TSPAN5: variants seen among roughly 807,000 people sequenced by gnomAD.
The protein encoded by TSPAN5 is tetraspanin-5.
TSPAN5 carries 10 observed loss-of-function variants against 37.1 expected under a neutral mutation model. That is an observed-to-expected ratio of 0.27 (90% CI 0.17 to 0.46). TSPAN5 has a LOEUF of 0.46. TSPAN5 is among the 20% of genes least tolerant of loss of function. The pLI is 1.00. For missense variants in TSPAN5, 195 were observed against 326.6 expected, an observed-to-expected ratio of 0.60 and a Z score of 3.11; for synonymous variants, 110 against 118.9, an observed-to-expected ratio of 0.93 and a Z score of 0.48.
At chr4:98,649,522 C>G (rs910923806) in intron 1 of TSPAN5, among the ~76,000 whole-genome samples, 1 of 152,210 alleles carries the variant, frequency 6.6e-6, no homozygotes, top group Non-Finnish European at 1.5e-5. Flanking sequence ...TGTTCGTTGG[C>G]TGCCAGGGAA....
At chr4:98,604,380 T>C (rs954997262) in intron 1 of TSPAN5, among the ~76,000 whole-genome samples, 2 of 152,218 alleles carry the variant, frequency 1.3e-5, no homozygotes, top group Admixed American at 6.5e-5. Flanking sequence ...ATTCTTACAC[T>C]GAAAACTGTT....
At chr4:98,586,939 G>A (rs1362333226) in intron 1 of TSPAN5, among the ~76,000 whole-genome samples, 1 of 152,216 alleles carries the variant, frequency 6.6e-6, no homozygotes, top group Non-Finnish European at 1.5e-5. Flanking sequence ...AAAGGGAAAA[G>A]GGGAGCCAAA....
At chr4:98,546,947 G>A (rs1754484504) in intron 1 of TSPAN5, among the ~76,000 whole-genome samples, 1 of 152,180 alleles carries the variant, frequency 6.6e-6, no homozygotes, top group Non-Finnish European at 1.5e-5. Context: ...TGCTGGGTGA[G>A]CGCTAATGAG....
At chr4:98,481,469 T>C (rs1237794009) in intron 4 of TSPAN5, among the ~76,000 whole-genome samples, 5 of 152,166 alleles carry the variant, frequency 3.3e-5, no homozygotes, top group Non-Finnish European at 5.9e-5. Flanking sequence ...CTGCACAGAT[T>C]CTTCACTTGT....
At chr4:98,487,084 G>A (rs1463829742) in intron 2 of TSPAN5, among the ~76,000 whole-genome samples, 200 bp from the exon 3 acceptor site, 1 of 136,122 alleles carries the variant, frequency 7.3e-6, no homozygotes, top group Non-Finnish European at 1.5e-5. Context: ...GAGAAAGAAA[G>A]AGAAAGAGAG....
At chr4:98,525,687 C>A (rs770911594) in intron 1 of TSPAN5, among the ~76,000 whole-genome samples, 4 of 152,140 alleles carry the variant, frequency 2.6e-5, no homozygotes, top group Non-Finnish European at 5.9e-5. Flanking sequence ...GTATATATAG[C>A]TCACATTTAT....
In TSPAN5 at chr4:98,644,514, T is replaced by A. The variant is rs189108546; in HGVS notation, c.81+13632A>T. 5.3e-3 allele frequency among the ~76,000 whole-genome samples: 800 copies of A among 152,132 alleles called. 8 individuals carry two copies. Among genetic ancestry groups the A allele is most frequent in the African/African-American group, 0.018 (730 of 41,452 alleles). The stretch of plus-strand genomic sequence containing the variant: ...GAATAAAAAAGCACCCTTTTTTTTT[T>A]AAATTATTATACTTTAAGTTTTAGG... On this transcript the variant is annotated intron_variant, in intron 1 of 7. Coordinates refer to ENST00000305798, the MANE Select transcript of TSPAN5 (RefSeq NM_005723.4).
At chr4:98,617,482 G>T (rs1335850515) in intron 1 of TSPAN5, among the ~76,000 whole-genome samples, 1 of 152,134 alleles carries the variant, frequency 6.6e-6, no homozygotes, top group Non-Finnish European at 1.5e-5. Flanking sequence ...AATGTCAAAG[G>T]GGACAGCCAA....
chr4:98,486,890 A>G lies in TSPAN5; in HGVS notation c.133-6T>C. On this transcript the variant is annotated splice_polypyrimidine_tract_variant and splice_region_variant and intron_variant, in intron 2 of 7. Transcript: ENST00000305798. ...GAGATGTTGGACAGAACTCCCTGGG[A>G]GCAGAAAAGAACACACAACAAGGCA... is the stretch of plus-strand genomic sequence containing the variant. 6.2e-7 allele frequency: 1 copy of G among 1,613,500 alleles called. No homozygotes were observed. The highest frequency in any genetic ancestry group is 8.5e-7 in the Non-Finnish European group (1 of 1,179,782).
chr4:98,594,029 C>T (rs1231652420), intron 1 of TSPAN5, among the ~76,000 whole-genome samples: 1 of 74,664 alleles, frequency 1.3e-5, no homozygotes, highest in Non-Finnish European at 2.4e-5. Context: ...TTACCTTGGG[C>T]AGTATGGCCA....
At chr4:98,555,136 C>T (rs6831643) in intron 1 of TSPAN5, among the ~76,000 whole-genome samples, 92,826 of 151,946 alleles carry the variant, frequency 0.61, 28,929 homozygotes, top group South Asian at 0.79. Flanking sequence ...TGTCCAACTT[C>T]GTGATCTGGG....
rs765764958 is a variant in TSPAN5 at position 98,476,301 on chromosome 4, A to G, written c.629T>C (p.Val210Ala). ...CGYDARQKPE[V>A]DQQIVIYTKG... ...CGTGTAGATTACAATCTGCTGGTCA[A>G]CTTCCTTCACAAGAGAAGAGGAGAG... The change falls in exon 7 of 8, where the codon GTT becomes GCT. Residue 210 changes from valine (V) to alanine (A), a missense_variant. By Grantham distance (64) the Val-to-Ala change is moderately conservative (BLOSUM62 0). Transcript: ENST00000305798. 2 of 1,613,972 alleles carry G rather than the reference A, an allele frequency of 1.2e-6. No homozygotes were observed. Among genetic ancestry groups the G allele is most frequent in the Middle Eastern group, 1.7e-4 (1 of 6,060 alleles).
chr4:98,546,872 C>G (rs945122497), intron 1 of TSPAN5, among the ~76,000 whole-genome samples: 1 of 152,170 alleles, frequency 6.6e-6, no homozygotes, highest in Non-Finnish European at 1.5e-5. Context: ...ACAAAACCCC[C>G]AATATCTGAT....
At position 98,658,372 on chromosome 4, in the gene TSPAN5, G is replaced by T. The variant is rs960790899; in HGVS notation, c.-146C>A. ...GGCGGCCTGGGCTCAGCCGCGCGGG[G>T]ACCGACCGGCGGAGAGCGGCTCCCG... On this transcript the variant is annotated 5_prime_UTR_variant, in exon 1 of 8. Coordinates refer to ENST00000305798, the MANE Select transcript of TSPAN5 (RefSeq NM_005723.4). The T allele has an allele frequency of 1.8e-6, 1 of 570,450 alleles. No individual in the cohort carries two copies. The highest frequency in any genetic ancestry group is 3.0e-6 in the Non-Finnish European group (1 of 338,852). The allele number at this position is 570,450 out of a possible 1,614,324, so 35.3% of individuals were successfully genotyped here. A position where few individuals can be genotyped will look rare whatever the true frequency, so the allele number is the denominator to read the frequency against.
chr4:98,519,059 T>C (rs1464510535), intron 1 of TSPAN5, among the ~76,000 whole-genome samples: 2 of 152,074 alleles, frequency 1.3e-5, no homozygotes, highest in Non-Finnish European at 2.9e-5. Context: ...GCAAGACAAA[T>C]TGGGAGGCTA....
At position 98,564,819 on chromosome 4, in the gene TSPAN5, C is replaced by T. The variant is rs74722082; in HGVS notation, c.82-57091G>A. 0.021 allele frequency among the ~76,000 whole-genome samples: 3,248 copies of T among 151,986 alleles called. 217 individuals are homozygous for T. The East Asian group carries it at 0.24, about 11-fold the overall frequency. On this transcript the variant is annotated intron_variant, in intron 1 of 7. Coordinates refer to ENST00000305798, the MANE Select transcript of TSPAN5 (RefSeq NM_005723.4). ...CACGTGTGTTTCTAATTTTTAAGGCCCTACTTTAATTTCTACTGTCACTAA... is the reference window on the plus strand; with the variant it reads ...CACGTGTGTTTCTAATTTTTAAGGCTCTACTTTAATTTCTACTGTCACTAA...
intron 1 of TSPAN5, among the ~76,000 whole-genome samples, chr4:98,592,460 A>C (rs1343806232): frequency 7.8e-6 from 1 of 127,408 alleles, no homozygotes; most frequent in African/African-American, 3.2e-5. Flanking sequence ...TTATACTCTA[A>C]GTTTTAGGGT....
rs75765588 is a variant in TSPAN5 at position 98,644,542 on chromosome 4, A to C, written c.81+13604T>G. Among the ~76,000 whole-genome samples, 3,019 of 152,210 alleles carry C rather than the reference A, an allele frequency of 0.02. 168 individuals carry two copies. The East Asian group carries it at 0.24, about 12-fold the overall frequency. ...ATTATTATACTTTAAGTTTTAGGGT[A>C]CATGTGCACAATGTGCAGGTTACAT... On this transcript the variant is annotated intron_variant, in intron 1 of 7. Transcript: ENST00000305798.
At chr4:98,517,969 C>T (rs1241689858) in intron 1 of TSPAN5, among the ~76,000 whole-genome samples, 1 of 152,184 alleles carries the variant, frequency 6.6e-6, no homozygotes, top group African/African-American at 2.4e-5. Context: ...TATAGACAAA[C>T]ATCAGCCTTT....
Sources: gnomAD v4.1 joint callset for allele counts (sites outside exome capture counted in the v4.1 genomes callset) on GRCh38, gnomAD v4.1.1 for gene constraint, MANE v1.5 for transcripts, NCBI Gene and HGNC (gene_info 2026-07-23, HGNC 2026-07-21) for gene names.